The following GAB2 variants were observed in gnomAD, a reference collection of about 807,000 sequenced individuals.
GAB2 encodes GRB2-associated-binding protein 2.
GAB2 carries 26 observed loss-of-function variants against 65.5 expected under a neutral mutation model. The observed-to-expected ratio is 0.40, with a 90% CI of 0.29 to 0.55. The LOEUF is 0.55. Ranked by LOEUF, GAB2 falls within the 20% of genes least tolerant of loss-of-function variation. The probability of loss-of-function intolerance (pLI) is 0.53; values close to 1 mark genes in which losing one functional copy is unlikely to be tolerated. For synonymous variants in GAB2, 321 were observed against 329.6 expected, an observed-to-expected ratio of 0.97 and a Z score of 0.28; for missense variants, 884 against 875.8, an observed-to-expected ratio of 1.01 and a Z score of -0.12.
intron 1 of GAB2, among the ~76,000 whole-genome samples, chr11:78,370,983 T>A (rs1050091844): frequency 6.6e-6 from 1 of 151,958 alleles, no homozygotes; most frequent in African/African-American, 2.4e-5. Context: ...GGCACATGAG[T>A]TGCTGTAGTT....
chr11:78,397,571 G>A (rs1173306811), intron 1 of GAB2, among the ~76,000 whole-genome samples: 1 of 152,206 alleles, frequency 6.6e-6, no homozygotes. Flanking sequence ...ATGAGGAAAT[G>A]AGGGCACAGA....
intron 1 of GAB2, among the ~76,000 whole-genome samples, chr11:78,348,653 TAC>T (rs760570971): frequency 9.2e-5 from 14 of 152,254 alleles, no homozygotes; most frequent in South Asian, 8.3e-4. Flanking sequence ...AGTAAAACAA[TAC>T]AGTTTGGAAG....
intron 3 of GAB2, chr11:78,231,684 T>C (rs1864857879): frequency 6.6e-6 from 1 of 152,210 alleles, no homozygotes; most frequent in East Asian, 1.9e-4. Flanking sequence ...CTAGTTTTTC[T>C]AGCCACTTCA....
chr11:78,254,628 G>A lies in GAB2; in HGVS notation c.377-4228C>T, dbSNP rs7949189. On this transcript the variant is annotated intron_variant, in intron 2 of 9. Coordinates refer to ENST00000361507, the MANE Select transcript of GAB2 (RefSeq NM_080491.3). ...CAGCCTGGGAAACCTAGTGAGAGTCGTCTCTATCAAAAATTAAAAAATTAA... is the reference window on the plus strand; with the variant it reads ...CAGCCTGGGAAACCTAGTGAGAGTCATCTCTATCAAAAATTAAAAAATTAA... Among the ~76,000 whole-genome samples, 1,182 of 152,018 alleles carry A rather than the reference G, an allele frequency of 7.8e-3. 14 individuals carry two copies. The highest frequency in any genetic ancestry group is 0.027 in the African/African-American group (1,115 of 41,484).
chr11:78,255,546 C>T (rs780181816), intron 2 of GAB2, among the ~76,000 whole-genome samples: 24 of 152,164 alleles, frequency 1.6e-4, no homozygotes, highest in African/African-American at 4.6e-4. Context: ...CTTCTTCCTC[C>T]GTGGTTCCAA....
chr11:78,367,394 A>G (rs1856511363), intron 1 of GAB2, among the ~76,000 whole-genome samples: 1 of 152,250 alleles, frequency 6.6e-6, no homozygotes, highest in African/African-American at 2.4e-5. Context: ...GTGATACAGC[A>G]GACTAGAAAG....
chr11:78,273,316 A>G (rs1000963836), intron 2 of GAB2, among the ~76,000 whole-genome samples: 1 of 152,256 alleles, frequency 6.6e-6, no homozygotes, highest in Non-Finnish European at 1.5e-5. Flanking sequence ...AAGAGAGGCT[A>G]TACCCTGCAA....
chr11:78,281,956 A>G (rs1287069061), intron 1 of GAB2, among the ~76,000 whole-genome samples: 1 of 152,246 alleles, frequency 6.6e-6, no homozygotes, highest in Non-Finnish European at 1.5e-5. Flanking sequence ...CTAACTTTTT[A>G]GTACAACCTG....
chr11:78,354,947 G>T (rs1856335603), intron 1 of GAB2, among the ~76,000 whole-genome samples: 1 of 152,234 alleles, frequency 6.6e-6, no homozygotes, highest in African/African-American at 2.4e-5. Flanking sequence ...CGGCTCCCCA[G>T]TTGAGGAGAG....
chr11:78,254,789 C>G (rs1048114683), intron 2 of GAB2, among the ~76,000 whole-genome samples: 15 of 151,232 alleles, frequency 9.9e-5, no homozygotes, highest in African/African-American at 3.7e-4. Context: ...CAGAGTGACA[C>G]CTTGTCTCTA....
At chr11:78,246,954 T>C in intron 3 of GAB2, among the ~76,000 whole-genome samples, 1 of 152,210 alleles carries the variant, frequency 6.6e-6, no homozygotes. Context: ...CCCAAGGTGA[T>C]CCTAAGACTC....
intron 1 of GAB2, among the ~76,000 whole-genome samples, chr11:78,300,516 T>TAAAAAAAAAAAAAAAAAAAAA (rs138790128): frequency 1.4e-5 from 2 of 142,874 alleles, no homozygotes; most frequent in African/African-American, 5.2e-5. Flanking sequence ...TTTAATTTTA[T>TAAAAAAAAAAAAAAAAAAAAA]AAAAAAACAA....
intron 1 of GAB2, among the ~76,000 whole-genome samples, chr11:78,406,287 G>A (rs115827859): frequency 0.01 from 1,568 of 152,244 alleles, 26 homozygotes; most frequent in African/African-American, 0.036. Flanking sequence ...GTCCCCTTCC[G>A]ATGATTGCAG....
chr11:78,223,608 T>G lies in GAB2; in HGVS notation c.1371A>C (p.Pro457=). ...CCATGGCCAACAGGGTGGAAGAACC[T>G]GGATTCATGGGCACATAGTTGTCTT... is the stretch of plus-strand genomic sequence containing the variant. ...NSEDNYVPMN[P]GSSTLLAMER... Residue 457 remains proline, a synonymous_variant, in exon 6 of 10, where the codon CCA becomes CCC. Transcript: ENST00000361507. 6.2e-7 allele frequency: 1 copy of G among 1,613,562 alleles called. No individual in the cohort carries two copies.
Position 78,313,231 on chromosome 11 carries a change from ATGGTT to A in GAB2, c.76-32335_76-32331del. ...AGCACTTTTTTTTTCAGTTCTTCAC[ATGGTT>A]TGGATCAATGCAGCTGCCAGATAAA... On this transcript the variant is annotated intron_variant, in intron 1 of 9. Coordinates refer to ENST00000361507, the MANE Select transcript of GAB2 (RefSeq NM_080491.3). Among the ~76,000 whole-genome samples, 3 of 151,660 alleles carry A rather than the reference ATGGTT, an allele frequency of 2.0e-5. No individual in the cohort carries two copies. The South Asian group carries it at 6.3e-4, about 32-fold the overall frequency.
At chr11:78,407,930 A>AATATTCAATATTCAATTCCAG (rs1400025727) in intron 1 of GAB2, among the ~76,000 whole-genome samples, 7 of 152,198 alleles carry the variant, frequency 4.6e-5, no homozygotes, top group African/African-American at 1.7e-4. Context: ...AGTGTCAACT[A>AATATTCAATATTCAATTCCAG]AATAATTCAA....
intron 1 of GAB2, among the ~76,000 whole-genome samples, chr11:78,396,837 T>C (rs1283399335): frequency 1.3e-5 from 2 of 152,184 alleles, no homozygotes; most frequent in Non-Finnish European, 2.9e-5. Context: ...CCTCAGGTGA[T>C]CCACCCACCT....
intron 1 of GAB2, chr11:78,388,231 G>C (rs1366631562): frequency 1.3e-5 from 2 of 151,924 alleles, no homozygotes; most frequent in Non-Finnish European, 2.9e-5. Context: ...TTTTTGCCTT[G>C]TTGGCCAGAC....
rs565178188 is a variant in GAB2, at chr11:78,219,203, G to C, written c.*69C>G. Reference sequence around the variant, plus strand: ...GGTGGATGGGAGGAAGAACGGGAGAGGGGAGAGGGGAGATGGGAAGGGCCA... The same window carrying C: ...GGTGGATGGGAGGAAGAACGGGAGACGGGAGAGGGGAGATGGGAAGGGCCA... On this transcript the variant is annotated 3_prime_UTR_variant, in exon 10 of 10. Transcript: ENST00000361507. 6.0e-5 allele frequency: 86 copies of C among 1,426,638 alleles called. No homozygotes were observed. The highest frequency in any genetic ancestry group is 8.4e-5 in the Non-Finnish European group (86 of 1,025,206). 88.4% of individuals were successfully genotyped at this position (1,426,638 alleles called of 1,614,324 possible). A position where few individuals can be genotyped will look rare whatever the true frequency, so the allele number is the denominator to read the frequency against.
Sources: allele counts gnomAD v4.1 joint callset (sites outside exome capture counted in the v4.1 genomes callset), GRCh38; gene constraint gnomAD v4.1.1; transcripts MANE v1.5; gene names NCBI Gene and HGNC (gene_info 2026-07-23, HGNC 2026-07-21).